The following PER3 variants were observed in gnomAD, a reference collection of about 807,000 sequenced individuals.
The protein encoded by PER3 is period circadian protein homolog 3.
A neutral mutation model predicts 127.2 loss-of-function variants in PER3; 107 were observed. The observed-to-expected ratio is 0.84, with a 90% CI of 0.72 to 0.99. The LOEUF is 0.99. Ranked by LOEUF, PER3 falls within the 50% of genes least tolerant of loss-of-function variation. The pLI, the probability that PER3 is intolerant of heterozygous loss-of-function variation, is 0.00. For synonymous variants in PER3, 618 were observed against 585.8 expected, an observed-to-expected ratio of 1.05 and a Z score of -0.79; for missense variants, 1,560 against 1,525.8, an observed-to-expected ratio of 1.02 and a Z score of -0.37.
In PER3 at chr1:7,784,646, C is replaced by T. The variant is rs953932727; in HGVS notation, c.-224-8C>T. 5 of 428,046 alleles carry T rather than the reference C, an allele frequency of 1.2e-5. No homozygotes were observed. Among genetic ancestry groups the T allele is most frequent in the South Asian group, 4.8e-5 (1 of 20,736 alleles). 26.5% of individuals were successfully genotyped at this position (428,046 alleles called of 1,614,324 possible). A position where few individuals can be genotyped will look rare whatever the true frequency, so the allele number is the denominator to read the frequency against. On this transcript the variant is annotated splice_region_variant and splice_polypyrimidine_tract_variant and intron_variant, in intron 1 of 21. Coordinates refer to ENST00000377532, the MANE Select transcript of PER3 (RefSeq NM_001377275.1). ...TTGTCCCTTGTCACCCTTGTCTCCT[C>T]CCCCTAGGCCGGAGTCCTGAAAGTC... is the stretch of plus-strand genomic sequence containing the variant.
In PER3 at chr1:7,830,147, G is replaced by A; in HGVS notation, c.3200G>A (p.Gly1067Asp). Residue 1067 changes from glycine (G) to aspartate (D), a missense_variant, in exon 19 of 22, where the codon GGT becomes GAT. Transcript: ENST00000377532. ...SPPSESPSRT[G>D]SAASGSSDSS... ...CCCAGCGAATCCCCATCCAGAACTG[G>A]TTCAGCAGCATCAGGTAGTGGATCA... is the stretch of plus-strand genomic sequence containing the variant. The A allele has an allele frequency of 6.2e-7, 1 of 1,613,838 alleles. No individual in the cohort carries two copies. The highest frequency in any genetic ancestry group is 8.5e-7 in the Non-Finnish European group (1 of 1,179,718).
chr1:7,802,856 A>ATTGCT (rs1274779819), intron 8 of PER3, among the ~76,000 whole-genome samples, 191 bp from the exon 9 acceptor site: 1 of 152,256 alleles, frequency 6.6e-6, no homozygotes, highest in Non-Finnish European at 1.5e-5. Flanking sequence ...TCAGATGACC[A>ATTGCT]ACATGTGTTA....
At chr1:7,792,507 A>G (rs114899178) in intron 5 of PER3, among the ~76,000 whole-genome samples, 1,786 of 152,352 alleles carry the variant, frequency 0.012, 31 homozygotes, top group African/African-American at 0.041. Context: ...CACTTATGCC[A>G]TAAGGCACGA....
chr1:7,812,691 A>G (rs140686306), intron 13 of PER3, among the ~76,000 whole-genome samples: 44 of 151,754 alleles, frequency 2.9e-4, no homozygotes, highest in Non-Finnish European at 4.4e-4. Flanking sequence ...CAGCTACTTT[A>G]GAAACTGAAA....
At chr1:7,800,744 T>C (rs2097166950) in intron 7 of PER3, among the ~76,000 whole-genome samples, 1 of 151,666 alleles carries the variant, frequency 6.6e-6, no homozygotes, top group South Asian at 2.1e-4. Flanking sequence ...TGAGAATCTC[T>C]TGAACCTGGG....
chr1:7,835,038 C>G (rs543704272), intron 19 of PER3, among the ~76,000 whole-genome samples: 1 of 152,112 alleles, frequency 6.6e-6, no homozygotes, highest in South Asian at 2.1e-4. Flanking sequence ...TGTTTGGTAT[C>G]ATAAAGGTGA....
chr1:7,822,927 C>T (rs532324418), intron 16 of PER3, among the ~76,000 whole-genome samples: 1 of 152,008 alleles, frequency 6.6e-6, no homozygotes, highest in African/African-American at 2.4e-5. Flanking sequence ...AGTGTGGTGA[C>T]CCACACCTGT....
chr1:7,817,779 T>C (rs903228234), intron 13 of PER3, among the ~76,000 whole-genome samples: 2 of 152,144 alleles, frequency 1.3e-5, no homozygotes, highest in Non-Finnish European at 1.5e-5. Flanking sequence ...TATCAAGGAA[T>C]GAAATAGAGG....
chr1:7,802,424 G>A (rs1040528969), intron 8 of PER3, among the ~76,000 whole-genome samples: 5 of 151,938 alleles, frequency 3.3e-5, no homozygotes, highest in Admixed American at 3.3e-4. Flanking sequence ...CACCACACCC[G>A]GCTAATTTTT....
chr1:7,818,016 C>T (rs994619634), intron 13 of PER3, among the ~76,000 whole-genome samples: 17 of 152,246 alleles, frequency 1.1e-4, no homozygotes, highest in Admixed American at 2.6e-4. Flanking sequence ...ACTGCACCTC[C>T]GCCGCATTCT....
intron 16 of PER3, among the ~76,000 whole-genome samples, chr1:7,824,550 T>G (rs2097292511): frequency 1.3e-5 from 2 of 152,200 alleles, no homozygotes; most frequent in African/African-American, 4.8e-5. Flanking sequence ...TTTTCCTGCT[T>G]CTTTGCATGC....
At position 7,789,830 on chromosome 1, in the gene PER3, G is replaced by C. The variant is rs529513614; in HGVS notation, c.592+1584G>C. ...TAAAAATATTTTTACATAAGCTCTA[G>C]AAAACATGCATGTCATCCCTGCTTG... On this transcript the variant is annotated intron_variant, in intron 5 of 21. Coordinates refer to ENST00000377532, the MANE Select transcript of PER3 (RefSeq NM_001377275.1). Among the ~76,000 whole-genome samples the C allele has an allele frequency of 3.3e-5, 5 of 152,218 alleles. No homozygotes were observed. In the South Asian group the frequency reaches 1.0e-3, roughly 32 times the overall value.
chr1:7,800,473 C>T (rs1328946579), intron 7 of PER3, among the ~76,000 whole-genome samples: 4 of 152,028 alleles, frequency 2.6e-5, no homozygotes, highest in Non-Finnish European at 2.9e-5. Context: ...GCTGGGATTA[C>T]ACGCGTGAGC....
intron 6 of PER3, among the ~76,000 whole-genome samples, chr1:7,797,845 T>C (rs1400102034): frequency 6.6e-6 from 1 of 152,096 alleles, no homozygotes; most frequent in Non-Finnish European, 1.5e-5. Flanking sequence ...AGTAGAAGCA[T>C]CCGCTGGGCA....
At position 7,829,965 on chromosome 1, in the gene PER3, GAAGA is replaced by G; in HGVS notation, c.3020_3023del (p.Lys1007IlefsTer17). The G allele has an allele frequency of 1.8e-6, 2 of 1,137,506 alleles. No homozygotes were observed. 70.5% of individuals were successfully genotyped at this position (1,137,506 alleles called of 1,614,324 possible). On this transcript the variant is annotated frameshift_variant, in exon 19 of 22. Coordinates refer to ENST00000377532, the MANE Select transcript of PER3 (RefSeq NM_001377275.1). LOFTEE classifies it high-confidence loss of function. The stretch of plus-strand genomic sequence containing the variant: ...CTCTGTCCACAGGATCGCCTCCCAT[GAAGA>G]ATCCATCCCATCCTACTGCCAGCGC...
Position 7,810,555 on chromosome 1 carries a change from CCGAATGGTGGTGGTGAGTCAG to C in PER3, c.1512_1522+10del. The C allele has an allele frequency of 1.6e-4, 253 of 1,612,990 alleles. No homozygotes were observed. Among genetic ancestry groups the C allele is most frequent in the African/African-American group, 2.3e-4 (17 of 74,976 alleles). On this transcript the variant is annotated inframe_deletion, in exon 13 of 22. Transcript: ENST00000377532. ...GCCAGTGACGGGGACACGCACAGAA[CCGAATGGTGGTGGTGAGTCAG>C]CGAATGGTGGTGGTGAGTCAGCCGG...
In PER3 at chr1:7,843,919, T is replaced by G. The variant is rs1232997694; in HGVS notation, c.*1164T>G. 1 of 1,282,518 alleles carries G rather than the reference T, an allele frequency of 7.8e-7. No individual in the cohort carries two copies. The highest frequency in any genetic ancestry group is 1.6e-5 in the African/African-American group (1 of 64,492). 79.4% of individuals were successfully genotyped at this position (1,282,518 alleles called of 1,614,324 possible). On this transcript the variant is annotated 3_prime_UTR_variant, in exon 22 of 22. Transcript: ENST00000377532. ...TTTAGAGAAGTCCCTGATTCCTTCT[T>G]AAACTTGGAATGATAGATGAAATTC...
chr1:7,785,114 A>G, intron 2 of PER3, 109 bp downstream of exon 2: 1 of 1,224,568 alleles, frequency 8.2e-7, no homozygotes, highest in Non-Finnish European at 1.1e-6. Context: ...GCCCAGGGGA[A>G]AGTGTAAAGG....
At chr1:7,818,538 TG>T (rs1364412533) in intron 13 of PER3, among the ~76,000 whole-genome samples, 2 of 152,228 alleles carry the variant, frequency 1.3e-5, no homozygotes, top group Admixed American at 1.3e-4. Context: ...CAGGATTTTC[TG>T]TTATCTTTCC....
Sources: allele counts gnomAD v4.1 joint callset (sites outside exome capture counted in the v4.1 genomes callset), GRCh38; gene constraint gnomAD v4.1.1; transcripts MANE v1.5; gene names NCBI Gene and HGNC (gene_info 2026-07-23, HGNC 2026-07-21).